Variants in CDH23 observed in about 807,000 individuals in gnomAD.
The protein encoded by CDH23 is cadherin-23.
In CDH23, 189 loss-of-function variants were observed where a neutral mutation model predicts 317.1. The observed-to-expected ratio is 0.60, with a 90% CI of 0.53 to 0.67. The LOEUF is 0.67. CDH23 is among the 30% of genes least tolerant of loss of function. The pLI is 0.00. For synonymous variants in CDH23, 1,839 were observed against 1,876.8 expected (o/e 0.98, Z 0.52); for missense variants, 4,401 against 4,592.4 (o/e 0.96, Z 1.20).
In CDH23 at chr10:71,789,021, G is replaced by T. The variant is rs903922058; in HGVS notation, c.5902G>T (p.Val1968Leu). 21 of 1,585,658 alleles carry T rather than the reference G, an allele frequency of 1.3e-5. No homozygotes were observed. The highest frequency in any genetic ancestry group is 1.7e-5 in the Non-Finnish European group (20 of 1,154,228). ...LFTKSTYQAE[V>L]MENSPAGTPL... is the part of the protein sequence containing the mutation. ...CACTAAAAGCACCTACCAGGCAGAG[G>T]TGATGGAAAACTCTCCCGCTGGTAG... Residue 1968 changes from valine to leucine, a missense_variant, in exon 45 of 70, where the codon GTG (valine) becomes TTG (leucine). By Grantham distance (32) the Val-to-Leu change is conservative. Transcript: ENST00000224721.
intron 1 of CDH23, among the ~76,000 whole-genome samples, chr10:71,404,814 G>A (rs1001480884): frequency 7.2e-5 from 11 of 152,248 alleles, no homozygotes; most frequent in Non-Finnish European, 1.6e-4. Context: ...TCTTCCTTGA[G>A]GCAGGCGGTT....
At chr10:71,470,460 C>A (rs894323432) in intron 3 of CDH23, among the ~76,000 whole-genome samples, 5 of 152,074 alleles carry the variant, frequency 3.3e-5, no homozygotes, top group Admixed American at 6.5e-5. Context: ...CCTCCTACCC[C>A]CTAGCAATGT....
intron 1 of CDH23, among the ~76,000 whole-genome samples, chr10:71,429,321 G>A (rs961980089): frequency 3.3e-5 from 5 of 152,210 alleles, no homozygotes; most frequent in Admixed American, 2.0e-4. Context: ...GGGGCCAGGG[G>A]TCTGCATGGG....
chr10:71,441,216 G>A (rs1289019080), intron 2 of CDH23, among the ~76,000 whole-genome samples: 6 of 152,074 alleles, frequency 3.9e-5, no homozygotes, highest in Admixed American at 3.9e-4. Flanking sequence ...CTCCATGGGG[G>A]CTTCTGTCAG....
chr10:71,660,377 A>G lies in CDH23; in HGVS notation c.1449+13760A>G, dbSNP rs1405781723. The stretch of plus-strand genomic sequence containing the variant: ...ATCAAGGTGTATTTTTCTCCCATGT[A>G]AAAGCAGTATACAGATGACCAGCCT... On this transcript the variant is annotated intron_variant, in intron 14 of 69. Transcript: ENST00000224721. Among the ~76,000 whole-genome samples the G allele has an allele frequency of 2.0e-5, 3 of 152,180 alleles. No individual in the cohort carries two copies. In the East Asian group the frequency reaches 5.8e-4, roughly 29 times the overall value.
At chr10:71,734,411 T>G in intron 33 of CDH23, 70 bp downstream of exon 33, 1 of 1,511,452 alleles carries the variant, frequency 6.6e-7, no homozygotes, top group Non-Finnish European at 9.0e-7. Flanking sequence ...CTAACCCATG[T>G]CCTCGCCAGC....
At chr10:71,702,775 T>G in intron 24 of CDH23, 81 bp downstream of exon 24, 1 of 1,545,440 alleles carries the variant, frequency 6.5e-7, no homozygotes, top group Non-Finnish European at 8.9e-7. Context: ...CTGAAAACTT[T>G]GCAGGGCTGG....
At chr10:71,761,474 C>A in intron 38 of CDH23, 1 of 1,180,368 alleles carries the variant, frequency 8.5e-7, no homozygotes, top group Non-Finnish European at 1.2e-6. Context: ...CCCACACACT[C>A]CCTGGAGTGC....
intron 3 of CDH23, among the ~76,000 whole-genome samples, chr10:71,480,450 T>A (rs1383996841): frequency 6.6e-6 from 1 of 152,214 alleles, no homozygotes; most frequent in East Asian, 1.9e-4. Context: ...ATCTCGAAAG[T>A]GAGGCCCAGC....
chr10:71,424,646 G>A (rs1848972049), intron 1 of CDH23, among the ~76,000 whole-genome samples: 1 of 152,160 alleles, frequency 6.6e-6, no homozygotes, highest in Admixed American at 6.5e-5. Context: ...ACACTTGAAG[G>A]GACCTCGTTC....
intron 6 of CDH23, among the ~76,000 whole-genome samples, chr10:71,547,054 G>A (rs868531776): frequency 3.3e-5 from 5 of 152,206 alleles, no homozygotes; most frequent in African/African-American, 9.7e-5. Context: ...GCACTGGGCC[G>A]GGCCCTGGGG....
intron 1 of CDH23, among the ~76,000 whole-genome samples, chr10:71,438,347 C>CAAAAAAAAAAAAAAAAAAAAA (rs10596696): frequency 2.6e-4 from 26 of 98,290 alleles, no homozygotes; most frequent in South Asian, 6.4e-4. Flanking sequence ...CTGTCTCAAA[C>CAAAAAAAAAAAAAAAAAAAAA]AAAAAAAAAA....
chr10:71,782,972 T>C (rs1840996340), intron 41 of CDH23, among the ~76,000 whole-genome samples: 2 of 152,118 alleles, frequency 1.3e-5, no homozygotes, highest in Admixed American at 6.5e-5. Context: ...TGAGGTAGGA[T>C]GTGAAGAGAC....
chr10:71,520,408 C>T (rs1302183567), intron 6 of CDH23, among the ~76,000 whole-genome samples: 2 of 152,236 alleles, frequency 1.3e-5, no homozygotes, highest in Admixed American at 6.5e-5. Flanking sequence ...AATCCAGCCG[C>T]ACACTCTGTG....
At chr10:71,712,585 C>A (rs892541932) in intron 27 of CDH23, 80 bp from the exon 28 acceptor site, 2 of 1,539,860 alleles carry the variant, frequency 1.3e-6, no homozygotes, top group Non-Finnish European at 1.8e-6. Context: ...CTGGCCGGTG[C>A]CCGGGAGTGT....
At chr10:71,727,391 C>A (rs980232624) in intron 30 of CDH23, among the ~76,000 whole-genome samples, 2 of 152,250 alleles carry the variant, frequency 1.3e-5, no homozygotes, top group Non-Finnish European at 2.9e-5. Context: ...TGAGGGCTGG[C>A]CCCTGGGGCA....
intron 38 of CDH23, among the ~76,000 whole-genome samples, chr10:71,775,733 T>C (rs139974561): frequency 4.6e-5 from 7 of 152,112 alleles, no homozygotes; most frequent in East Asian, 1.9e-4. Flanking sequence ...AACTCTCCAC[T>C]CCCAGCCCCT....
intron 3 of CDH23, among the ~76,000 whole-genome samples, chr10:71,503,053 A>G (rs192620864): frequency 9.8e-5 from 15 of 152,374 alleles, no homozygotes; most frequent in South Asian, 2.1e-4. Context: ...CTCAGCGATC[A>G]GCATGGGCCC....
At chr10:71,729,293 G>A (rs1175840182) in intron 30 of CDH23, among the ~76,000 whole-genome samples, 1 of 152,224 alleles carries the variant, frequency 6.6e-6, no homozygotes, top group Non-Finnish European at 1.5e-5. Context: ...CAAACCCTGA[G>A]ACAAGGATTG....
Sources: gnomAD v4.1 joint callset for allele counts (sites outside exome capture counted in the v4.1 genomes callset) on GRCh38, gnomAD v4.1.1 for gene constraint, MANE v1.5 for transcripts, NCBI Gene and HGNC (gene_info 2026-07-23, HGNC 2026-07-21) for gene names.